Variants in GIT2 observed in about 807,000 individuals in gnomAD.
GIT2 encodes the protein GIT ArfGAP 2.
In GIT2, 32 loss-of-function variants were observed where a neutral mutation model predicts 100.3. The ratio of observed to expected loss-of-function variants is 0.32; its 90% confidence interval spans 0.24 to 0.43. GIT2 has a LOEUF of 0.43. Ranked by LOEUF, GIT2 falls within the 20% of genes least tolerant of loss-of-function variation. The pLI is 1.00. For synonymous variants in GIT2, 353 were observed against 364.1 expected, an observed-to-expected ratio of 0.97 and a Z score of 0.35; for missense variants, 737 against 975.1, an observed-to-expected ratio of 0.76 and a Z score of 3.25.
In GIT2 at chr12:109,977,573, C is replaced by CA. The variant is rs1885365584; in HGVS notation, c.718+3378dup. Among the ~76,000 whole-genome samples the CA allele has an allele frequency of 3.3e-5, 5 of 152,032 alleles. No individual in the cohort carries two copies. The South Asian group carries it at 1.0e-3, about 32-fold the overall frequency. On this transcript the variant is annotated intron_variant, in intron 7 of 19. Transcript: ENST00000355312. ...GTGAGGTGGCTCATGCCTGCAGTCC[C>CA]AGCCCTTTGGGAAGCCGAGGTGGGC...
At position 109,948,243 on chromosome 12, in the gene GIT2, G is replaced by A. The variant is rs574518322; in HGVS notation, c.1393-739C>T. 115 of 985,910 alleles carry A rather than the reference G, an allele frequency of 1.2e-4. No individual in the cohort carries two copies. Among genetic ancestry groups the A allele is most frequent in the African/African-American group, 1.0e-3 (58 of 57,360 alleles). The allele number at this position is 985,910 out of a possible 1,614,324, so 61.1% of individuals were successfully genotyped here. A position where few individuals can be genotyped will look rare whatever the true frequency, so the allele number is the denominator to read the frequency against. ...TGACATCTTCGCATGGATGCTCCACGCAGCACGCTTGCTTCCGTCTGGTGA... is the reference window on the plus strand; with the variant it reads ...TGACATCTTCGCATGGATGCTCCACACAGCACGCTTGCTTCCGTCTGGTGA... On this transcript the variant is annotated intron_variant, in intron 14 of 19. Coordinates refer to ENST00000355312, the MANE Select transcript of GIT2 (RefSeq NM_057169.5). This position sits in a 1 kb window ranked among gnomAD's most constrained non-coding sequence, Gnocchi z 4.3.
chr12:109,983,535 A>G, intron 5 of GIT2, 32 bp from the exon 6 acceptor site: 1 of 1,609,008 alleles, frequency 6.2e-7, no homozygotes, highest in Non-Finnish European at 8.5e-7. Context: ...TAGGCAAAAG[A>G]GCACATTAAA....
At chr12:109,983,248 TA>T in intron 6 of GIT2, 124 bp downstream of exon 6, 1 of 879,820 alleles carries the variant, frequency 1.1e-6, no homozygotes. Context: ...TCTTCATCTG[TA>T]AAATAAAATA....
At chr12:109,964,988 G>A (rs77949403) in intron 9 of GIT2, among the ~76,000 whole-genome samples, 1 of 152,178 alleles carries the variant, frequency 6.6e-6, no homozygotes, top group East Asian at 1.9e-4. Context: ...TTGTGGCACA[G>A]AGCCGGCAAA....
At chr12:109,935,809 C>T (rs951696727) in intron 18 of GIT2, among the ~76,000 whole-genome samples, 16 of 152,226 alleles carry the variant, frequency 1.1e-4, no homozygotes, top group African/African-American at 3.6e-4. Flanking sequence ...CTCAAAAGCT[C>T]ACTCATTATG....
rs1286659535 is a variant in GIT2 at position 109,948,509 on chromosome 12, C to T, written c.1393-1005G>A. On this transcript the variant is annotated intron_variant, in intron 14 of 19. Coordinates refer to ENST00000355312, the MANE Select transcript of GIT2 (RefSeq NM_057169.5). This position sits in a 1 kb window ranked among gnomAD's most constrained non-coding sequence, Gnocchi z 4.3. ...AGCAGGGAATCGTGTTACTCTTTGG[C>T]ATCTGGCATTTTAAACACCATTCAC... 3.2e-6 allele frequency: 4 copies of T among 1,232,536 alleles called. No homozygotes were observed. Among genetic ancestry groups the T allele is most frequent in the Non-Finnish European group, 4.1e-6 (4 of 985,066 alleles). 76.3% of individuals were successfully genotyped at this position (1,232,536 alleles called of 1,614,324 possible).
intron 7 of GIT2, among the ~76,000 whole-genome samples, chr12:109,969,784 C>T (rs1386874740): frequency 1.3e-5 from 2 of 151,598 alleles, no homozygotes; most frequent in African/African-American, 2.4e-5. Context: ...GAGACGCGGT[C>T]TCACTCTGTC....
At chr12:109,982,795 A>C (rs1279902444) in intron 6 of GIT2, 2 of 151,934 alleles carry the variant, frequency 1.3e-5, no homozygotes, top group Non-Finnish European at 2.9e-5. Context: ...GCCTGCCACC[A>C]TGCCCAGCCA....
chr12:109,953,736 C>G (rs1245987509), intron 12 of GIT2: 1 of 152,316 alleles, frequency 6.6e-6, no homozygotes, highest in Non-Finnish European at 1.5e-5. Context: ...AAGTTTTCAA[C>G]CAGGTGGACA....
intron 7 of GIT2, 138 bp from the exon 8 acceptor site, chr12:109,967,641 TA>T: frequency 1.5e-6 from 1 of 665,506 alleles, no homozygotes; most frequent in Non-Finnish European, 2.7e-6. Flanking sequence ...CTAGACTAGC[TA>T]AAAATTCCTG....
rs778639793 is a variant in GIT2 at position 109,951,172 on chromosome 12, T to C, written c.1387A>G (p.Lys463Glu). Reference sequence around the variant, plus strand: ...GGCATTTATTAACATGTTACCTTTTTCTGCATAATTCTCAGCTCGTCACTC... The same window carrying C: ...GGCATTTATTAACATGTTACCTTTTCCTGCATAATTCTCAGCTCGTCACTC... ...NLSDELRIMQ[K>E]KLQTLQSENS... The change falls in exon 14 of 20, where the codon AAA (lysine) becomes GAA (glutamate). Residue 463 changes from lysine (K) to glutamate (E), a missense_variant. By Grantham distance (56) the Lys-to-Glu change is moderately conservative. This residue lies in a region of GIT2 where 451 missense variants were observed against 543.7 expected (regional missense o/e 0.83). Transcript: ENST00000355312. 20 of 1,613,402 alleles carry C rather than the reference T, an allele frequency of 1.2e-5. No homozygotes were observed. Among genetic ancestry groups the C allele is most frequent in the Non-Finnish European group, 1.7e-5 (20 of 1,179,432 alleles).
chr12:109,964,290 CCAAA>C (rs1314240291), intron 9 of GIT2, among the ~76,000 whole-genome samples: 1 of 151,758 alleles, frequency 6.6e-6, no homozygotes, highest in Non-Finnish European at 1.5e-5. Flanking sequence ...CACAGAGACA[CCAAA>C]CAAATTGCAT....
At position 109,947,211 on chromosome 12, in the gene GIT2, AG is replaced by A. The variant is rs749926189; in HGVS notation, c.1641+44del. The A allele has an allele frequency of 1.9e-6, 3 of 1,576,204 alleles. No individual in the cohort carries two copies. The highest frequency in any genetic ancestry group is 2.6e-6 in the Non-Finnish European group (3 of 1,156,078). ...GTTCAGAAGAGGGAACAGAGTAGAC[AG>A]GCTGCATAGAGTGAACAGCAGAAGC... On this transcript the variant is annotated intron_variant, in intron 15 of 19. Transcript: ENST00000355312. The surrounding 1 kb of genome is among the most constrained non-coding windows in gnomAD (Gnocchi z 4.3).
In GIT2 at chr12:109,965,574, G is replaced by C. The variant is rs1359949160; in HGVS notation, c.768C>G (p.Ser256Arg). The change falls in exon 9 of 20, where the codon AGC (serine) becomes AGG (arginine). Residue 256 changes from serine (S) to arginine (R), a missense_variant. This residue lies in a region of GIT2 where 266 missense variants were observed against 376.2 expected (regional missense o/e 0.71). Transcript: ENST00000355312. Reference sequence around the variant, plus strand: ...CTTTTGCCAATTCAGACAAATCCAGGCTGCTAAGAAAACATACAAAGCTAA... The same window carrying C: ...CTTTTGCCAATTCAGACAAATCCAGCCTGCTAAGAAAACATACAAAGCTAA... ...HFIIPQMADS[S>R]LDLSELAKAA... 1 of 1,586,482 alleles carries C rather than the reference G, an allele frequency of 6.3e-7. No homozygotes were observed. The highest frequency in any genetic ancestry group is 1.7e-5 in the Admixed American group (1 of 58,168).
intron 15 of GIT2, among the ~76,000 whole-genome samples, chr12:109,946,057 C>G (rs1876257620): frequency 6.6e-6 from 1 of 152,020 alleles, no homozygotes; most frequent in Non-Finnish European, 1.5e-5. Flanking sequence ...CTGCTTGAAC[C>G]CAGGAGGTAA....
chr12:109,936,609 T>C (rs544903462), intron 18 of GIT2, among the ~76,000 whole-genome samples: 7 of 152,348 alleles, frequency 4.6e-5, no homozygotes, highest in Non-Finnish European at 7.3e-5. Context: ...GGCTCACGCC[T>C]GTAATCTCAG....
In GIT2 at chr12:109,933,169, T is replaced by C; in HGVS notation, c.2089A>G (p.Arg697Gly). ...GACGTCAGTAAACGAAGGGAAGTCC[T>C]CACCATATCAGACTTGGGTTTCTAA... ...FPKKPKSDMV[R>G]TSLRLLTSSA... Residue 697 changes from arginine to glycine, a missense_variant, in exon 20 of 20, where the codon AGG (arginine) becomes GGG (glycine). Arg to Gly is a moderately radical substitution (Grantham distance 125, BLOSUM62 -2). Coordinates refer to ENST00000355312, the MANE Select transcript of GIT2 (RefSeq NM_057169.5). This position sits in a 1 kb window ranked among gnomAD's most constrained non-coding sequence, Gnocchi z 4.5. 1 of 1,563,194 alleles carries C rather than the reference T, an allele frequency of 6.4e-7. No individual in the cohort carries two copies. The highest frequency in any genetic ancestry group is 8.7e-7 in the Non-Finnish European group (1 of 1,151,432).
intron 11 of GIT2, 66 bp from the exon 12 acceptor site, chr12:109,960,024 A>G: frequency 9.7e-7 from 1 of 1,029,362 alleles, no homozygotes; most frequent in Non-Finnish European, 1.5e-6. Context: ...TAGTCACATA[A>G]AACTAGTCAG....
chr12:109,978,146 A>C (rs1263473183), intron 7 of GIT2, among the ~76,000 whole-genome samples: 1 of 138,404 alleles, frequency 7.2e-6, no homozygotes, highest in Non-Finnish European at 1.5e-5. Context: ...GCAGTGGCTC[A>C]ATCTGGACTC....
Sources: allele counts gnomAD v4.1 joint callset (sites outside exome capture counted in the v4.1 genomes callset), GRCh38; gene constraint gnomAD v4.1.1; regional missense constraint gnomAD v4.1.1; non-coding constraint Gnocchi (gnomAD v3.1); transcripts MANE v1.5; gene names NCBI Gene and HGNC (gene_info 2026-07-23, HGNC 2026-07-21).